Variants in LPP observed in about 807,000 individuals in gnomAD.
LPP encodes the protein lipoma-preferred partner.
LPP carries 38 observed loss-of-function variants against 60.4 expected under a neutral mutation model. The observed-to-expected ratio is 0.63, with a 90% CI of 0.49 to 0.83. LPP has a LOEUF of 0.83. Among genes scored for constraint, LPP ranks in the 40% least tolerant of loss-of-function variants. The probability of loss-of-function intolerance (pLI) is 0.00; values close to 1 mark genes in which losing one functional copy is unlikely to be tolerated. For synonymous variants in LPP, 328 were observed against 290.8 expected (o/e 1.13, Z -1.30); for missense variants, 902 against 783.6 (o/e 1.15, Z -1.80).
At chr3:188,573,112 T>G (rs915779693) in intron 6 of LPP, among the ~76,000 whole-genome samples, 4 of 152,078 alleles carry the variant, frequency 2.6e-5, no homozygotes, top group Non-Finnish European at 5.9e-5. Context: ...CAGGCACTGT[T>G]GTAAGTGCTT....
chr3:188,311,132 G>A (rs989293289), intron 2 of LPP, among the ~76,000 whole-genome samples: 7 of 151,912 alleles, frequency 4.6e-5, no homozygotes, highest in Non-Finnish European at 1.0e-4. Flanking sequence ...GAGGCCGGGT[G>A]CAGTGGCCCC....
chr3:188,861,255 T>C (rs1765128772), intron 9 of LPP, among the ~76,000 whole-genome samples: 1 of 152,222 alleles, frequency 6.6e-6, no homozygotes, highest in Admixed American at 6.5e-5. Context: ...TCTAACTCTC[T>C]CTTTTTTTCT....
At chr3:188,663,641 G>A (rs1303340213) in intron 7 of LPP, among the ~76,000 whole-genome samples, 2 of 152,158 alleles carry the variant, frequency 1.3e-5, no homozygotes, top group South Asian at 2.1e-4. Context: ...GAGAAAAGCT[G>A]CAGTAAGGAT....
chr3:188,477,940 A>G (rs990221654), intron 4 of LPP, among the ~76,000 whole-genome samples: 6 of 152,184 alleles, frequency 3.9e-5, no homozygotes, highest in African/African-American at 1.4e-4. Context: ...GCTTTCTGGT[A>G]CAGTTTTCTT....
chr3:188,745,855 T>C (rs1725992499), intron 8 of LPP, among the ~76,000 whole-genome samples: 1 of 152,096 alleles, frequency 6.6e-6, no homozygotes, highest in African/African-American at 2.4e-5. Context: ...CCTCTAATTC[T>C]ATTCCACGCT....
At chr3:188,215,180 C>T (rs1713041712) in intron 1 of LPP, among the ~76,000 whole-genome samples, 5 of 152,032 alleles carry the variant, frequency 3.3e-5, no homozygotes, top group Admixed American at 3.3e-4. Flanking sequence ...GTTGCATGCA[C>T]CTGTGGTCCC....
intron 6 of LPP, among the ~76,000 whole-genome samples, chr3:188,527,348 G>GAAA (rs57075465): frequency 1.1e-4 from 8 of 73,652 alleles, no homozygotes; most frequent in African/African-American, 2.4e-4. Context: ...GACTCCATCT[G>GAAA]AAAAAAAAAA....
chr3:188,290,389 A>G (rs758805761), intron 2 of LPP, among the ~76,000 whole-genome samples: 2 of 152,134 alleles, frequency 1.3e-5, no homozygotes, highest in Non-Finnish European at 2.9e-5. Flanking sequence ...CTTCACTTCT[A>G]GTGCTGTACT....
intron 1 of LPP, among the ~76,000 whole-genome samples, chr3:188,157,739 A>G (rs1452905392): frequency 6.6e-6 from 1 of 151,952 alleles, no homozygotes; most frequent in African/African-American, 2.4e-5. Flanking sequence ...GTGCTTTTAC[A>G]GGGTAAGTTT....
intron 1 of LPP, among the ~76,000 whole-genome samples, chr3:188,164,444 C>T (rs898017826): frequency 5.3e-5 from 8 of 152,178 alleles, no homozygotes; most frequent in African/African-American, 1.9e-4. Context: ...CTTGTACTTC[C>T]TAGTGAATTT....
chr3:188,576,251 A>T (rs1185270965), intron 6 of LPP, among the ~76,000 whole-genome samples: 2 of 152,278 alleles, frequency 1.3e-5, no homozygotes, highest in African/African-American at 4.8e-5. Context: ...AGTACACAGA[A>T]TTTAAACAAT....
At position 188,706,218 on chromosome 3, in the gene LPP, CTT is replaced by C. The variant is rs1259293936; in HGVS notation, c.1114-2047_1114-2046del. Among the ~76,000 whole-genome samples the C allele has an allele frequency of 4.6e-5, 7 of 152,306 alleles. No individual in the cohort carries two copies. The East Asian group carries it at 1.4e-3, about 29-fold the overall frequency. On this transcript the variant is annotated intron_variant, in intron 7 of 11. Transcript: ENST00000617246. ...AGTCAAGGATGAGCTCTTGTCCTGA[CTT>C]TATCAAAACTAGCCCTCCCTGATTT...
intron 5 of LPP, among the ~76,000 whole-genome samples, chr3:188,487,424 A>T (rs1806881090): frequency 6.6e-6 from 1 of 152,188 alleles, no homozygotes; most frequent in Non-Finnish European, 1.5e-5. Flanking sequence ...AGATGTACTC[A>T]AGCCGTGGCT....
chr3:188,665,832 T>A (rs1391862356), intron 7 of LPP, among the ~76,000 whole-genome samples: 1 of 152,222 alleles, frequency 6.6e-6, no homozygotes, highest in Non-Finnish European at 1.5e-5. Flanking sequence ...GTCCTTTCCT[T>A]TGTAACATCA....
At chr3:188,492,128 T>G (rs752493331) in intron 5 of LPP, among the ~76,000 whole-genome samples, 16 of 152,180 alleles carry the variant, frequency 1.1e-4, no homozygotes, top group Non-Finnish European at 1.9e-4. Flanking sequence ...GGTGGTTAGT[T>G]CTGTTGAATG....
At chr3:188,391,872 A>C (rs1423843419) in intron 3 of LPP, among the ~76,000 whole-genome samples, 2 of 152,048 alleles carry the variant, frequency 1.3e-5, no homozygotes, top group African/African-American at 2.4e-5. Context: ...GAAAAACCCC[A>C]TGTCTGTGTC....
intron 8 of LPP, among the ~76,000 whole-genome samples, chr3:188,752,832 C>G (rs552890096): frequency 6.6e-6 from 1 of 152,198 alleles, no homozygotes; most frequent in Non-Finnish European, 1.5e-5. Context: ...TTCTCAAACT[C>G]ACATTCCTGA....
At chr3:188,273,154 A>C (rs1343718284) in intron 2 of LPP, among the ~76,000 whole-genome samples, 1 of 152,186 alleles carries the variant, frequency 6.6e-6, no homozygotes, top group Admixed American at 6.5e-5. Flanking sequence ...CCCACCACCC[A>C]CAGCCAGAAG....
At chr3:188,656,850 G>T (rs1853330759) in intron 7 of LPP, among the ~76,000 whole-genome samples, 1 of 152,158 alleles carries the variant, frequency 6.6e-6, no homozygotes, top group Non-Finnish European at 1.5e-5. Context: ...TGAAAGAGAT[G>T]AGGAAACAGG....
Sources: allele counts gnomAD v4.1 joint callset (sites outside exome capture counted in the v4.1 genomes callset), GRCh38; gene constraint gnomAD v4.1.1; transcripts MANE v1.5; gene names NCBI Gene and HGNC (gene_info 2026-07-23, HGNC 2026-07-21).